Variants in EFCAB6 observed in about 807,000 individuals in gnomAD.
EFCAB6 encodes the protein EF-hand calcium binding domain 6, also known as EF-hand calcium-binding domain-containing protein 6.
In EFCAB6, 156 loss-of-function variants were observed where a neutral mutation model predicts 169.8. The ratio of observed to expected loss-of-function variants is 0.92; its 90% CI spans 0.81 to 1.05. The LOEUF (loss-of-function observed/expected upper bound fraction) is 1.05. Among genes scored for constraint, EFCAB6 ranks in the 50% least tolerant of loss-of-function variants. The probability of loss-of-function intolerance (pLI) is 0.00; values close to 1 mark genes in which losing one functional copy is unlikely to be tolerated. For missense variants in EFCAB6, 1,800 were observed against 1,829.1 expected (o/e 0.98, Z 0.29); for synonymous variants, 698 against 676.4 (o/e 1.03, Z -0.50).
intron 10 of EFCAB6, among the ~76,000 whole-genome samples, chr22:43,710,737 G>A (rs771559279): frequency 6.6e-6 from 1 of 152,180 alleles, no homozygotes; most frequent in Non-Finnish European, 1.5e-5. Flanking sequence ...CACGAAAAGA[G>A]AGACAGTCTA....
At position 43,808,839 on chromosome 22, in the gene EFCAB6, T is replaced by C. The variant is rs145406977; in HGVS notation, c.-8+156A>G. ...ATGACCACTGCCTGGGGATCCCCAA[T>C]GCTTAGGCAGGGGTTGGCATATGGC... On this transcript the variant is annotated intron_variant, in intron 2 of 31. Transcript: ENST00000262726. Among the ~76,000 whole-genome samples, 794 of 152,256 alleles carry C rather than the reference T, an allele frequency of 5.2e-3. 5 individuals are homozygous for C. Among genetic ancestry groups the C allele is most frequent in the African/African-American group, 0.018 (732 of 41,546 alleles).
Position 43,537,466 on chromosome 22 carries a change from C to A in EFCAB6, c.3959G>T (p.Arg1320Ile). ...GAGCTGGCGCCAGCAGCCCTGGATT[C>A]TCTTCCGGAGCCTGCTCTCTATGGG... ...CDPIESRLRK[R>I]IQGCWRQLLK... Residue 1320 changes from arginine to isoleucine, a missense_variant, in exon 29 of 32, where the codon AGA (arginine) becomes ATA (isoleucine). Transcript: ENST00000262726. The surrounding 1 kb of genome is among the most constrained non-coding windows in gnomAD (Gnocchi z 4.3). The A allele has an allele frequency of 1.2e-6, 2 of 1,614,170 alleles. No homozygotes were observed. The highest frequency in any genetic ancestry group is 1.7e-6 in the Non-Finnish European group (2 of 1,180,044).
Position 43,595,263 on chromosome 22 carries a change from GAAAT to G in EFCAB6, c.2876+4802_2876+4805del, listed in dbSNP as rs1303360477. The stretch of plus-strand genomic sequence containing the variant: ...CCAAACCTAAATTAGTAGAAAGGAA[GAAAT>G]AAAATCAGAGCATAAATAAATAAAA... On this transcript the variant is annotated intron_variant, in intron 23 of 31. Transcript: ENST00000262726. Among the ~76,000 whole-genome samples, 3 of 151,738 alleles carry G rather than the reference GAAAT, an allele frequency of 2.0e-5. No individual in the cohort carries two copies. The East Asian group carries it at 5.8e-4, about 29-fold the overall frequency.
intron 19 of EFCAB6, among the ~76,000 whole-genome samples, chr22:43,630,070 C>T (rs889344501): frequency 1.3e-5 from 2 of 151,986 alleles, no homozygotes; most frequent in East Asian, 1.9e-4. Flanking sequence ...AGGCTGAGGT[C>T]GGAGGATCGC....
At chr22:43,545,887 G>A (rs2048028941) in intron 27 of EFCAB6, among the ~76,000 whole-genome samples, 1 of 152,120 alleles carries the variant, frequency 6.6e-6, no homozygotes, top group African/African-American at 2.4e-5. Context: ...GGCCCCTCAG[G>A]ATTTCCCCCA....
At chr22:43,636,385 G>T (rs1391074453) in intron 17 of EFCAB6, among the ~76,000 whole-genome samples, 1 of 152,092 alleles carries the variant, frequency 6.6e-6, no homozygotes, top group East Asian at 1.9e-4. Flanking sequence ...CCTCATCATG[G>T]TCACTGCGCA....
chr22:43,711,566 C>G lies in EFCAB6; in HGVS notation c.940G>C (p.Gly314Arg), dbSNP rs751684832. The G allele has an allele frequency of 1.2e-6, 2 of 1,604,482 alleles. No individual in the cohort carries two copies. The highest frequency in any genetic ancestry group is 2.7e-5 in the African/African-American group (2 of 74,266). ...KALSAGDPCK[G>R]GYVSFNYLKI... ...AGATAATTAAAAGACACGTAGCCAC[C>G]TTTACAGGGGTCCCCTGCACTGAGG... Residue 314 changes from glycine (G) to arginine (R), a missense_variant, in exon 10 of 32, where the codon GGT becomes CGT. Physicochemically the swap from Gly to Arg is moderately radical, Grantham distance 125. Coordinates refer to ENST00000262726, the MANE Select transcript of EFCAB6 (RefSeq NM_022785.4).
At chr22:43,687,109 T>C (rs532605912) in intron 11 of EFCAB6, among the ~76,000 whole-genome samples, 2 of 152,208 alleles carry the variant, frequency 1.3e-5, no homozygotes, top group Non-Finnish European at 2.9e-5. Context: ...TTACCTACAA[T>C]GTTACAAGGA....
chr22:43,618,055 T>C (rs183509523), intron 20 of EFCAB6, among the ~76,000 whole-genome samples: 198 of 147,808 alleles, frequency 1.3e-3, no homozygotes, highest in Non-Finnish European at 2.4e-3. Context: ...TGAGCTGAGA[T>C]TGTGCCACTG....
chr22:43,555,149 T>G, intron 26 of EFCAB6, 53 bp from the exon 27 acceptor site: 1 of 1,586,728 alleles, frequency 6.3e-7, no homozygotes, highest in South Asian at 1.1e-5. Flanking sequence ...CGACCACCTC[T>G]TGCTCTGGGC....
intron 12 of EFCAB6, 119 bp from the exon 13 acceptor site, chr22:43,678,282 T>G: frequency 1.1e-6 from 1 of 929,756 alleles, no homozygotes. Flanking sequence ...AGAATTATGA[T>G]TGGAAATGCA....
intron 24 of EFCAB6, among the ~76,000 whole-genome samples, chr22:43,586,894 CGCTG>C (rs1019190430): frequency 6.6e-6 from 1 of 151,982 alleles, no homozygotes; most frequent in Admixed American, 6.6e-5. Flanking sequence ...GTTTGGGGAC[CGCTG>C]GCATAAACTC....
chr22:43,664,776 G>A (rs1433063672), intron 17 of EFCAB6, among the ~76,000 whole-genome samples: 2 of 152,188 alleles, frequency 1.3e-5, no homozygotes, highest in Non-Finnish European at 2.9e-5. Context: ...GGAGGTGGTT[G>A]GACCATGCAG....
At chr22:43,726,477 T>A (rs2059744087) in intron 8 of EFCAB6, among the ~76,000 whole-genome samples, 1 of 152,176 alleles carries the variant, frequency 6.6e-6, no homozygotes, top group Admixed American at 6.5e-5. Flanking sequence ...AGATACAAAC[T>A]GAAGCTGGCA....
chr22:43,806,771 G>A (rs921272592), intron 2 of EFCAB6, among the ~76,000 whole-genome samples: 9 of 152,204 alleles, frequency 5.9e-5, no homozygotes, highest in African/African-American at 2.2e-4. Context: ...TCAAAACTGA[G>A]GGTATATCCC....
intron 2 of EFCAB6, among the ~76,000 whole-genome samples, chr22:43,798,780 C>A (rs2062600447): frequency 6.6e-6 from 1 of 152,204 alleles, no homozygotes; most frequent in African/African-American, 2.4e-5. Flanking sequence ...TGCCTGTGGC[C>A]TCCTGCCTGG....
At chr22:43,666,944 A>AT (rs1163742896) in intron 17 of EFCAB6, among the ~76,000 whole-genome samples, 160 bp downstream of exon 17, 1 of 141,534 alleles carries the variant, frequency 7.1e-6, no homozygotes, top group East Asian at 2.8e-4. Flanking sequence ...GCCAATGACA[A>AT]TTTTTTGGCC....
intron 27 of EFCAB6, among the ~76,000 whole-genome samples, chr22:43,550,636 C>T (rs978452682): frequency 6.7e-6 from 1 of 149,714 alleles, no homozygotes; most frequent in African/African-American, 2.5e-5. Flanking sequence ...TGCACCACTG[C>T]ACTCCGACCT....
chr22:43,573,925 C>A (rs905600629), intron 26 of EFCAB6, among the ~76,000 whole-genome samples: 1 of 152,072 alleles, frequency 6.6e-6, no homozygotes, highest in African/African-American at 2.4e-5. Context: ...TCATTTATGT[C>A]TTTAAAAATG....
Sources: allele counts gnomAD v4.1 joint callset (sites outside exome capture counted in the v4.1 genomes callset), GRCh38; gene constraint gnomAD v4.1.1; non-coding constraint Gnocchi (gnomAD v3.1); transcripts MANE v1.5; gene names NCBI Gene and HGNC (gene_info 2026-07-23, HGNC 2026-07-21).